Variants in KLRG1 observed in about 807,000 individuals in gnomAD.
KLRG1 encodes killer cell lectin like receptor G1.
A neutral mutation model predicts 21.8 loss-of-function variants in KLRG1; 16 were observed. The ratio of observed to expected loss-of-function variants is 0.73; its 90% CI spans 0.50 to 1.11. The LOEUF (loss-of-function observed/expected upper bound fraction) is 1.11, where lower values mean the gene tolerates loss of function less well. Among genes scored for constraint, KLRG1 ranks in the 50% most tolerant of loss-of-function variants. The pLI, the probability that KLRG1 is intolerant of heterozygous loss-of-function variation, is 0.00. For missense variants in KLRG1, 173 were observed against 218.3 expected (o/e 0.79, Z 1.31); for synonymous variants, 69 against 75.9 (o/e 0.91, Z 0.47).
the KLRG1 span, among the ~76,000 whole-genome samples, chr12:9,063,304 G>A: frequency 6.6e-6 from 1 of 152,238 alleles, no homozygotes; most frequent in African/African-American, 2.4e-5. Flanking sequence ...TATTCTCTGA[G>A]GCAAATGGAT....
chr12:9,016,125 C>T, the KLRG1 span, among the ~76,000 whole-genome samples: 1 of 151,724 alleles, frequency 6.6e-6, no homozygotes, highest in African/African-American at 2.4e-5. Context: ...AAATCAAACC[C>T]AAAATTAGTA....
chr12:8,994,716 A>G (rs1268819828), intron 2 of KLRG1, among the ~76,000 whole-genome samples: 1 of 152,234 alleles, frequency 6.6e-6, no homozygotes, highest in Non-Finnish European at 1.5e-5. Flanking sequence ...CAATTATGCA[A>G]TATATACACA....
At chr12:9,180,019 TG>T in the KLRG1 span, among the ~76,000 whole-genome samples, 1 of 152,244 alleles carries the variant, frequency 6.6e-6, no homozygotes, top group Non-Finnish European at 1.5e-5. Flanking sequence ...TCCGGAATGT[TG>T]GGCAGATTAA....
the KLRG1 span, chr12:9,135,037 C>T: frequency 7.3e-5 from 12 of 165,092 alleles, no homozygotes; most frequent in South Asian, 8.3e-4. Context: ...CGAGCCCCGG[C>T]GTTCCCGGGC....
chr12:9,156,716 A>G, the KLRG1 span, among the ~76,000 whole-genome samples: 3 of 152,176 alleles, frequency 2.0e-5, no homozygotes, highest in Non-Finnish European at 4.4e-5. Context: ...CAGAGAAGAC[A>G]GTTTTATAAG....
Position 9,009,812 on chromosome 12 carries a change from A to G in KLRG1, c.*275A>G. 1 of 1,426,898 alleles carries G rather than the reference A, an allele frequency of 7.0e-7. No homozygotes were observed. The highest frequency in any genetic ancestry group is 9.1e-7 in the Non-Finnish European group (1 of 1,096,946). The allele number at this position is 1,426,898 out of a possible 1,614,324, so 88.4% of individuals were successfully genotyped here. ...TTTTGTATTTCTCAGTATGGAAACT[A>G]ATGCTGCCACTCTCATCCCCGTCCC... On this transcript the variant is annotated 3_prime_UTR_variant, in exon 5 of 5. Coordinates refer to ENST00000356986, the MANE Select transcript of KLRG1 (RefSeq NM_005810.4).
At chr12:9,144,207 G>A in the KLRG1 span, among the ~76,000 whole-genome samples, 9 of 152,220 alleles carry the variant, frequency 5.9e-5, no homozygotes, top group East Asian at 1.2e-3. Context: ...CAGAGAGAAA[G>A]GAAAGTGAGG....
chr12:9,070,437 T>C, the KLRG1 span: 1 of 1,197,948 alleles, frequency 8.3e-7, no homozygotes, highest in Admixed American at 1.8e-5. Context: ...ATGCTGGGGA[T>C]ACATACATCA....
chr12:9,202,781 A>T, the KLRG1 span: 1 of 1,178,252 alleles, frequency 8.5e-7, no homozygotes, highest in Non-Finnish European at 1.2e-6. Context: ...CTTCAGCTTC[A>T]CCAAGGAGAA....
chr12:9,027,940 G>C, the KLRG1 span: 5 of 907,476 alleles, frequency 5.5e-6, no homozygotes, highest in Admixed American at 1.7e-5. Flanking sequence ...GCTCTCTCTT[G>C]CTTTGACAGT....
the KLRG1 span, among the ~76,000 whole-genome samples, chr12:9,083,927 G>T: frequency 6.6e-6 from 1 of 152,032 alleles, no homozygotes; most frequent in South Asian, 2.1e-4. Context: ...CTGAAAAGCA[G>T]AAGGTGATAA....
chr12:8,956,064 G>A (rs1000554071), intron 1 of KLRG1, among the ~76,000 whole-genome samples: 2 of 152,194 alleles, frequency 1.3e-5, no homozygotes, highest in African/African-American at 4.8e-5. Flanking sequence ...GAGCTGTTCT[G>A]TTGCTGAATA....
chr12:9,176,034 G>A, the KLRG1 span, among the ~76,000 whole-genome samples: 5 of 152,170 alleles, frequency 3.3e-5, no homozygotes, highest in Admixed American at 6.5e-5. Context: ...CACTATTCAC[G>A]ATAGCAAAGA....
chr12:9,197,849 A>C, the KLRG1 span, among the ~76,000 whole-genome samples: 1 of 115,964 alleles, frequency 8.6e-6, no homozygotes, highest in East Asian at 2.2e-4. Context: ...TATAATATAT[A>C]ATATTAATTA....
At chr12:8,954,591 C>T (rs1453233563) in intron 1 of KLRG1, among the ~76,000 whole-genome samples, 3 of 151,784 alleles carry the variant, frequency 2.0e-5, no homozygotes, top group African/African-American at 7.3e-5. Flanking sequence ...GTCATTTCAC[C>T]AAGGGGTCTT....
At chr12:9,185,650 A>T in the KLRG1 span, among the ~76,000 whole-genome samples, 1 of 57,974 alleles carries the variant, frequency 1.7e-5, no homozygotes, top group East Asian at 8.2e-4. Flanking sequence ...ACCAAGGTTG[A>T]AATGAATGAA....
chr12:9,181,261 A>G, the KLRG1 span: 5 of 1,190,870 alleles, frequency 4.2e-6, no homozygotes, highest in Admixed American at 2.8e-5. Flanking sequence ...TCAGAAACCT[A>G]TTTTTACAAC....
At chr12:8,956,947 T>G (rs1370290844) in intron 1 of KLRG1, among the ~76,000 whole-genome samples, 5 of 152,152 alleles carry the variant, frequency 3.3e-5, no homozygotes, top group Non-Finnish European at 5.9e-5. Flanking sequence ...GTGTGAGATC[T>G]GGGCCAGTAC....
At chr12:9,200,393 A>C in the KLRG1 span, 1 of 1,610,790 alleles carries the variant, frequency 6.2e-7, no homozygotes, top group Non-Finnish European at 8.5e-7. Context: ...TCACTTTTTC[A>C]TCCATGATAC....
Sources: gnomAD v4.1 joint callset for allele counts (sites outside exome capture counted in the v4.1 genomes callset) on GRCh38, gnomAD v4.1.1 for gene constraint, MANE v1.5 for transcripts, NCBI Gene and HGNC (gene_info 2026-07-23, HGNC 2026-07-21) for gene names.